RBFOX1: variants seen among roughly 807,000 people sequenced by gnomAD.
RBFOX1 encodes the protein RNA binding protein fox-1 homolog 1.
RBFOX1 carries 8 observed loss-of-function variants against 57.7 expected under a neutral mutation model. The ratio of observed to expected loss-of-function variants is 0.14; its 90% confidence interval spans 0.08 to 0.25. The LOEUF is 0.25. Ranked by LOEUF, RBFOX1 falls within the 10% of genes least tolerant of loss-of-function variation. The probability of loss-of-function intolerance (pLI) is 1.00; values close to 1 mark genes in which losing one functional copy is unlikely to be tolerated. For synonymous variants in RBFOX1, 326 were observed against 222.4 expected, an observed-to-expected ratio of 1.47 and a Z score of -4.15; for missense variants, 611 against 548.5, an observed-to-expected ratio of 1.11 and a Z score of -1.14.
chr16:6,607,785 C>G (rs911514884), intron 2 of RBFOX1, among the ~76,000 whole-genome samples: 7 of 152,144 alleles, frequency 4.6e-5, no homozygotes, highest in African/African-American at 1.4e-4. Context: ...AACATAGCTC[C>G]CGAATAATGT....
intron 2 of RBFOX1, among the ~76,000 whole-genome samples, chr16:6,339,508 GT>G (rs1453459565): frequency 1.3e-5 from 2 of 152,106 alleles, no homozygotes; most frequent in Non-Finnish European, 1.5e-5. Flanking sequence ...GATCAAAGAG[GT>G]CATCGTAAAG....
intron 1 of RBFOX1, among the ~76,000 whole-genome samples, chr16:5,380,545 T>C (rs2066105319): frequency 6.6e-6 from 1 of 152,234 alleles, no homozygotes; most frequent in African/African-American, 2.4e-5. Flanking sequence ...AAGCTGCGAA[T>C]AGGACTTACC....
At chr16:6,324,579 C>T (rs2082163036) in intron 2 of RBFOX1, among the ~76,000 whole-genome samples, 1 of 152,158 alleles carries the variant, frequency 6.6e-6, no homozygotes, top group Admixed American at 6.5e-5. Context: ...GATGTTGTTA[C>T]AACTCATTCA....
intron 3 of RBFOX1, among the ~76,000 whole-genome samples, chr16:5,617,575 T>C (rs1236006092): frequency 1.3e-5 from 2 of 152,214 alleles, no homozygotes; most frequent in African/African-American, 4.8e-5. Flanking sequence ...AAAAGACAGG[T>C]GCATATGTCT....
chr16:6,095,785 A>G (rs891771208), intron 1 of RBFOX1, among the ~76,000 whole-genome samples: 2 of 152,048 alleles, frequency 1.3e-5, no homozygotes, highest in Admixed American at 6.5e-5. Flanking sequence ...CAGGCTAATG[A>G]CCCACCTGAG....
At chr16:7,130,065 C>T (rs1346063221) in intron 4 of RBFOX1, among the ~76,000 whole-genome samples, 5 of 145,684 alleles carry the variant, frequency 3.4e-5, no homozygotes, top group African/African-American at 1.0e-4. Flanking sequence ...CAGAGCCTAG[C>T]TCTGTCGCCC....
At chr16:5,265,135 C>A (rs1244203667) in intron 1 of RBFOX1, among the ~76,000 whole-genome samples, 1 of 152,052 alleles carries the variant, frequency 6.6e-6, no homozygotes, top group Non-Finnish European at 1.5e-5. Context: ...TAGAAAAAAT[C>A]TGAGAATCTG....
At chr16:6,819,094 C>A in intron 3 of RBFOX1, among the ~76,000 whole-genome samples, 1 of 152,192 alleles carries the variant, frequency 6.6e-6, no homozygotes, top group East Asian at 1.9e-4. Flanking sequence ...ACACCACAGA[C>A]TTCCGGTTTC....
chr16:5,736,315 G>C (rs150431561), intron 3 of RBFOX1, among the ~76,000 whole-genome samples: 1 of 152,274 alleles, frequency 6.6e-6, no homozygotes, highest in East Asian at 1.9e-4. Flanking sequence ...CTTTGTGTCA[G>C]AATCAGATGT....
chr16:6,401,266 T>C (rs1366131765), intron 2 of RBFOX1, among the ~76,000 whole-genome samples: 5 of 152,128 alleles, frequency 3.3e-5, no homozygotes, highest in East Asian at 1.9e-4. Context: ...AATCTGAGTA[T>C]CAAAATGTAA....
At chr16:5,338,399 A>T (rs899935900) in intron 1 of RBFOX1, among the ~76,000 whole-genome samples, 1 of 152,100 alleles carries the variant, frequency 6.6e-6, no homozygotes, top group African/African-American at 2.4e-5. Context: ...CTGTGAGTTG[A>T]CCTTTCTTGC....
intron 3 of RBFOX1, among the ~76,000 whole-genome samples, chr16:5,801,185 T>C (rs930775822): frequency 6.6e-6 from 1 of 152,232 alleles, no homozygotes; most frequent in East Asian, 1.9e-4. Flanking sequence ...CCAGAACTCC[T>C]GACCTTCTAT....
chr16:6,091,311 A>T, intron 1 of RBFOX1, among the ~76,000 whole-genome samples: 1 of 152,132 alleles, frequency 6.6e-6, no homozygotes, highest in East Asian at 1.9e-4. Flanking sequence ...AAGTCTTTAA[A>T]AGCTATTTCG....
intron 1 of RBFOX1, among the ~76,000 whole-genome samples, chr16:6,062,310 A>G (rs182793918): frequency 1.8e-4 from 28 of 152,048 alleles, no homozygotes; most frequent in South Asian, 4.2e-4. Context: ...CCCTCTCAAG[A>G]GGTCAAGAGG....
At chr16:7,529,193 G>A (rs546043219) in intron 5 of RBFOX1, among the ~76,000 whole-genome samples, 6 of 152,172 alleles carry the variant, frequency 3.9e-5, no homozygotes, top group East Asian at 3.9e-4. Flanking sequence ...CCTGGGAGGC[G>A]GAGCTTACAG....
Position 5,969,293 on chromosome 16 carries a change from T to TTG in RBFOX1, c.351+101960_351+101961dup, listed in dbSNP as rs2059913013. ...GAGGTATGCCTGTGATTATTTTCGG[T>TTG]TGTTCTTTTTTTTTTTTTTTTTTTT... On this transcript the variant is annotated intron_variant, in intron 4 of 19. Coordinates refer to the RBFOX1 transcript ENST00000641259. Among the ~76,000 whole-genome samples, 11 of 133,438 alleles carry TTG rather than the reference T, an allele frequency of 8.2e-5. No homozygotes were observed. In the South Asian group the frequency reaches 2.7e-3, roughly 33 times the overall value. 87.5% of individuals were successfully genotyped at this position (133,438 alleles called of 152,430 possible). A position where few individuals can be genotyped will look rare whatever the true frequency, so the allele number is the denominator to read the frequency against.
chr16:5,352,678 C>T (rs888554499), intron 1 of RBFOX1, among the ~76,000 whole-genome samples: 1 of 152,016 alleles, frequency 6.6e-6, no homozygotes, highest in Non-Finnish European at 1.5e-5. Context: ...CACGGTGGCT[C>T]ATACTTGTAA....
intron 3 of RBFOX1, among the ~76,000 whole-genome samples, chr16:5,831,597 C>G (rs894029667): frequency 2.0e-5 from 3 of 151,864 alleles, no homozygotes; most frequent in African/African-American, 7.3e-5. Flanking sequence ...TCAAGCAATT[C>G]TCCTGCTGTA....
At chr16:7,446,439 C>A (rs1391513156) in intron 4 of RBFOX1, among the ~76,000 whole-genome samples, 4 of 152,190 alleles carry the variant, frequency 2.6e-5, no homozygotes, top group African/African-American at 9.7e-5. Context: ...TCAGCAAGTT[C>A]TCCCTCACTG....
Sources: allele counts gnomAD v4.1 joint callset (sites outside exome capture counted in the v4.1 genomes callset), GRCh38; gene constraint gnomAD v4.1.1; transcripts MANE v1.5; gene names NCBI Gene and HGNC (gene_info 2026-07-23, HGNC 2026-07-21).